Variants in DNAH14 observed in about 807,000 individuals in gnomAD.
DNAH14 encodes the protein dynein axonemal heavy chain 14.
Under a neutral mutation model 520.9 loss-of-function variants are expected in DNAH14, and 478 were observed. The observed-to-expected ratio is 0.92, with a 90% confidence interval of 0.85 to 0.99. The LOEUF (loss-of-function observed/expected upper bound fraction) is 0.99. Ranked by LOEUF, DNAH14 falls within the 50% of genes least tolerant of loss-of-function variation. DNAH14 has a pLI of 0.00. For synonymous variants in DNAH14, 1,581 were observed against 1,757.2 expected, an observed-to-expected ratio of 0.90 and a Z score of 2.51; for missense variants, 4,831 against 5,234.5, an observed-to-expected ratio of 0.92 and a Z score of 2.38.
intron 46 of DNAH14, 57 bp from the exon 47 acceptor site, chr1:225,264,140 A>G: frequency 7.2e-7 from 1 of 1,382,092 alleles, no homozygotes; most frequent in Non-Finnish European, 9.9e-7. Flanking sequence ...GTTGTTGTTT[A>G]ATATACCTAT....
chr1:225,395,156 G>A (rs187137792), intron 84 of DNAH14, among the ~76,000 whole-genome samples: 1 of 152,224 alleles, frequency 6.6e-6, no homozygotes, highest in East Asian at 1.9e-4. Flanking sequence ...TAAATGTGAT[G>A]AGAGAGCTTT....
intron 81 of DNAH14, among the ~76,000 whole-genome samples, chr1:225,386,573 A>T (rs1216592417): frequency 1.3e-5 from 2 of 152,262 alleles, no homozygotes; most frequent in African/African-American, 2.4e-5. Context: ...TGGGCAAAGG[A>T]TATGAACAGA....
In DNAH14 at chr1:225,167,980, C is replaced by G. The variant is rs1029113252; in HGVS notation, c.5487C>G (p.Asn1829Lys). The change falls in exon 36 of 86, where the codon AAC (asparagine) becomes AAG (lysine). Residue 1829 changes from asparagine to lysine, a missense_variant. Asn to Lys is a moderately conservative substitution (Grantham distance 94). Coordinates refer to ENST00000682510, the MANE Select transcript of DNAH14 (RefSeq NM_001367479.1). ...CAACTCAGCAATTGGGTTTACAAAA[C>G]TGGTCATCTCAGAAAGAGAAGATTA... ...YTATQQLGLQ[N>K]WSSQKEKIIQ... 2 of 1,538,406 alleles carry G rather than the reference C, an allele frequency of 1.3e-6. No homozygotes were observed. Among genetic ancestry groups the G allele is most frequent in the Non-Finnish European group, 1.8e-6 (2 of 1,141,074 alleles).
intron 6 of DNAH14, 181 bp downstream of exon 6, chr1:224,967,764 G>T: frequency 5.3e-6 from 8 of 1,506,840 alleles, no homozygotes; most frequent in Non-Finnish European, 7.1e-6. Flanking sequence ...TTCCTTTTGT[G>T]TAGAGATTTA....
intron 73 of DNAH14, chr1:225,354,212 A>G (rs1321693404): frequency 1.4e-6 from 1 of 701,932 alleles, no homozygotes; most frequent in Admixed American, 2.0e-5. Flanking sequence ...CATAAACCAT[A>G]CAGGAACAGA....
chr1:225,037,763 A>G (rs546111588), intron 11 of DNAH14, among the ~76,000 whole-genome samples: 330 of 152,146 alleles, frequency 2.2e-3, no homozygotes, highest in Non-Finnish European at 3.8e-3. Flanking sequence ...GCTCACCACA[A>G]TCTCCGCCTC....
chr1:225,129,563 G>A (rs2078156488), intron 27 of DNAH14, among the ~76,000 whole-genome samples: 1 of 152,192 alleles, frequency 6.6e-6, no homozygotes, highest in South Asian at 2.1e-4. Flanking sequence ...AACAAGCAAT[G>A]TGGAAAGGAT....
chr1:225,344,809 G>T (rs899716023), intron 69 of DNAH14, among the ~76,000 whole-genome samples: 1 of 152,000 alleles, frequency 6.6e-6, no homozygotes, highest in Non-Finnish European at 1.5e-5. Context: ...CCACCTCCCA[G>T]GTTCAAGTGA....
At chr1:225,138,836 G>C (rs2079187164) in intron 27 of DNAH14, among the ~76,000 whole-genome samples, 1 of 151,994 alleles carries the variant, frequency 6.6e-6, no homozygotes, top group Non-Finnish European at 1.5e-5. Context: ...AATCCGAGCT[G>C]CTTGCCTATT....
chr1:225,112,044 A>G (rs751757890), intron 23 of DNAH14, among the ~76,000 whole-genome samples: 38 of 152,008 alleles, frequency 2.5e-4, no homozygotes, highest in Non-Finnish European at 3.8e-4. Flanking sequence ...TTTGTCTTTT[A>G]GCCTTTCTAC....
intron 17 of DNAH14, among the ~76,000 whole-genome samples, chr1:225,055,381 C>A (rs903750435): frequency 1.3e-5 from 2 of 152,062 alleles, no homozygotes; most frequent in Non-Finnish European, 2.9e-5. Flanking sequence ...AGAAGTATGT[C>A]TTTTCTTTAT....
intron 23 of DNAH14, among the ~76,000 whole-genome samples, chr1:225,110,983 A>G (rs909691000): frequency 4.6e-5 from 7 of 152,208 alleles, no homozygotes; most frequent in African/African-American, 1.7e-4. Context: ...TGGTCAGAAA[A>G]GATACTTGGT....
chr1:224,930,004 C>T (rs1242742361), intron 1 of DNAH14, among the ~76,000 whole-genome samples, 169 bp downstream of exon 1: 3 of 152,110 alleles, frequency 2.0e-5, no homozygotes, highest in African/African-American at 7.2e-5. Context: ...GAACCCTCAC[C>T]AGGCAGATGC....
chr1:225,147,518 G>A (rs2080061380), intron 31 of DNAH14, among the ~76,000 whole-genome samples: 1 of 151,970 alleles, frequency 6.6e-6, no homozygotes, highest in African/African-American at 2.4e-5. Flanking sequence ...TGAGCTACCA[G>A]GACACTGATG....
chr1:225,335,381 A>ATAGACGTGTGTACATGTGTGTG (rs1558428230), intron 66 of DNAH14, among the ~76,000 whole-genome samples: 1 of 66,556 alleles, frequency 1.5e-5, no homozygotes, highest in Admixed American at 1.6e-4. Flanking sequence ...GTGTGTGTAT[A>ATAGACGTGTGTACATGTGTGTG]TGCACATATA....
intron 41 of DNAH14, among the ~76,000 whole-genome samples, chr1:225,222,785 G>A (rs1476596066): frequency 6.6e-6 from 1 of 152,160 alleles, no homozygotes; most frequent in African/African-American, 2.4e-5. Context: ...CCTCGGTTTT[G>A]CAGGCTCAAT....
chr1:225,049,918 A>G (rs984298195), intron 15 of DNAH14, among the ~76,000 whole-genome samples: 10 of 152,124 alleles, frequency 6.6e-5, no homozygotes, highest in Admixed American at 5.9e-4. Flanking sequence ...TGCTCTCCAC[A>G]TAACAGATAC....
At chr1:225,205,773 A>G (rs927895358) in intron 39 of DNAH14, among the ~76,000 whole-genome samples, 198 bp from the exon 40 acceptor site, 5 of 152,240 alleles carry the variant, frequency 3.3e-5, no homozygotes, top group African/African-American at 1.2e-4. Flanking sequence ...TGCTTAAAGC[A>G]TTATTAAGTA....
At position 224,969,752 on chromosome 1, in the gene DNAH14, C is replaced by A. The variant is rs2061396328; in HGVS notation, c.767+878C>A. ...TTAATACTTTTATAATTTCTTACAC[C>A]TGTCTTTACTGCAGTCTCCGAACAT... On this transcript the variant is annotated intron_variant, in intron 7 of 85. Transcript: ENST00000682510. 3 of 185,802 alleles carry A rather than the reference C, an allele frequency of 1.6e-5. No homozygotes were observed. In the East Asian group the frequency reaches 4.1e-4, roughly 25 times the overall value. 11.5% of individuals were successfully genotyped at this position (185,802 alleles called of 1,614,324 possible).
Sources: gnomAD v4.1 joint callset for allele counts (sites outside exome capture counted in the v4.1 genomes callset) on GRCh38, gnomAD v4.1.1 for gene constraint, MANE v1.5 for transcripts, NCBI Gene and HGNC (gene_info 2026-07-23, HGNC 2026-07-21) for gene names.